Variants in PRKN observed in about 807,000 individuals in gnomAD.
PRKN encodes parkin RBR E3 ubiquitin protein ligase, also known as E3 ubiquitin-protein ligase parkin.
A neutral mutation model predicts 59.5 loss-of-function variants in PRKN; 56 were observed. The ratio of observed to expected loss-of-function variants is 0.94; its 90% CI spans 0.76 to 1.18. The LOEUF (loss-of-function observed/expected upper bound fraction) is 1.18, where lower values mean the gene tolerates loss of function less well. PRKN is among the 50% of genes most tolerant of loss of function. The pLI is 0.00. For synonymous variants in PRKN, 250 were observed against 222.1 expected (o/e 1.13, Z -1.12); for missense variants, 657 against 596.4 (o/e 1.10, Z -1.06).
chr6:162,010,208 T>C lies in PRKN; in HGVS notation c.619-36791A>G, dbSNP rs1351734632. Among the ~76,000 whole-genome samples the C allele has an allele frequency of 4.4e-5, 6 of 137,338 alleles. 1 individual carries two copies. Among genetic ancestry groups the C allele is most frequent in the African/African-American group, 1.4e-4 (5 of 36,728 alleles). The allele number at this position is 137,338 out of a possible 152,430, so 90.1% of individuals were successfully genotyped here. ...TGCTTTGGAACAAATTTCTGATATATATATTATATATACATAATATATATT... is the reference window on the plus strand; with the variant it reads ...TGCTTTGGAACAAATTTCTGATATACATATTATATATACATAATATATATT... On this transcript the variant is annotated intron_variant, in intron 5 of 11. Transcript: ENST00000366898.
At chr6:162,385,696 T>A (rs1465321187) in intron 2 of PRKN, among the ~76,000 whole-genome samples, 2 of 151,966 alleles carry the variant, frequency 1.3e-5, no homozygotes, top group Admixed American at 6.6e-5. Flanking sequence ...CACGATGGAG[T>A]GGGAGGGAAA....
At chr6:161,700,059 A>G (rs1786188679) in intron 7 of PRKN, among the ~76,000 whole-genome samples, 1 of 150,534 alleles carries the variant, frequency 6.6e-6, no homozygotes, top group Admixed American at 6.7e-5. Flanking sequence ...TTGCTGTTAT[A>G]AGCCCTTTAA....
At chr6:162,525,703 A>T in intron 1 of PRKN, among the ~76,000 whole-genome samples, 1 of 152,308 alleles carries the variant, frequency 6.6e-6, no homozygotes, top group Middle Eastern at 3.4e-3. Flanking sequence ...AGGATCCAGT[A>T]TAGTGTCTGG....
intron 9 of PRKN, among the ~76,000 whole-genome samples, chr6:161,501,049 T>C (rs1370061645): frequency 6.6e-6 from 1 of 152,058 alleles, no homozygotes; most frequent in African/African-American, 2.4e-5. Flanking sequence ...CTAATTTTTG[T>C]ATTTTTAGTA....
At chr6:162,118,360 C>T (rs112324843) in intron 4 of PRKN, among the ~76,000 whole-genome samples, 6,530 of 151,806 alleles carry the variant, frequency 0.043, 426 homozygotes, top group African/African-American at 0.14. Context: ...GAGCCGAGAA[C>T]GCGCCACTGC....
chr6:161,687,074 G>C (rs1210162623), intron 7 of PRKN, among the ~76,000 whole-genome samples: 1 of 152,084 alleles, frequency 6.6e-6, no homozygotes, highest in Non-Finnish European at 1.5e-5. Context: ...AAATGGAATG[G>C]ACAATCCTCT....
In PRKN at chr6:161,580,306, G is replaced by A. The variant is rs9355912; in HGVS notation, c.872-10890C>T. On this transcript the variant is annotated intron_variant, in intron 7 of 11. Coordinates refer to ENST00000366898, the MANE Select transcript of PRKN (RefSeq NM_004562.3). ...AAATTTGCTATCCATGTTTTGCAGT[G>A]CAGCATCACAAGTGTTCAACCAGGT... Among the ~76,000 whole-genome samples the A allele has an allele frequency of 6.4e-3, 975 of 152,274 alleles. 28 individuals carry two copies. The East Asian group carries it at 0.079, about 12-fold the overall frequency.
chr6:161,896,067 G>A (rs186992974), intron 6 of PRKN, among the ~76,000 whole-genome samples: 1 of 152,302 alleles, frequency 6.6e-6, no homozygotes, highest in Admixed American at 6.5e-5. Flanking sequence ...TAAAGTGCGG[G>A]TGAAGCAGGG....
At chr6:161,474,297 T>C (rs1290338779) in intron 9 of PRKN, among the ~76,000 whole-genome samples, 1 of 152,194 alleles carries the variant, frequency 6.6e-6, no homozygotes, top group Non-Finnish European at 1.5e-5. Flanking sequence ...TACCCCATAG[T>C]TATTCTCCTT....
In PRKN at chr6:161,579,518, T is replaced by C. The variant is rs1562538538; in HGVS notation, c.872-10102A>G. Reference sequence around the variant, plus strand: ...TATATTTGTACCCTATACTTCGCCATAGAGTGTGCTCTGTAAACTGGCCTT... The same window carrying C: ...TATATTTGTACCCTATACTTCGCCACAGAGTGTGCTCTGTAAACTGGCCTT... On this transcript the variant is annotated intron_variant, in intron 7 of 11. Transcript: ENST00000366898. This position sits in a 1 kb window ranked among gnomAD's most constrained non-coding sequence, Gnocchi z 4.2. 6.6e-6 allele frequency among the ~76,000 whole-genome samples: 1 copy of C among 152,236 alleles called. No homozygotes were observed. The highest frequency in any genetic ancestry group is 1.5e-5 in the Non-Finnish European group (1 of 68,048).
intron 3 of PRKN, among the ~76,000 whole-genome samples, chr6:162,229,773 T>G (rs536599009): frequency 3.9e-5 from 6 of 152,348 alleles, no homozygotes; most frequent in African/African-American, 1.4e-4. Context: ...GAGAAGCCTT[T>G]CAGAAATAGT....
chr6:162,122,261 C>G (rs908179062), intron 4 of PRKN, among the ~76,000 whole-genome samples: 3 of 152,168 alleles, frequency 2.0e-5, no homozygotes, highest in Non-Finnish European at 2.9e-5. Context: ...CTCGCCAAGG[C>G]TGATCTGCTA....
rs1018597675 is a variant in PRKN, at chr6:161,446,091, G to T, written c.1084-59214C>A. 7.2e-6 allele frequency among the ~76,000 whole-genome samples: 1 copy of T among 139,188 alleles called. No individual in the cohort carries two copies. The highest frequency in any genetic ancestry group is 2.6e-5 in the African/African-American group (1 of 38,848). The allele number at this position is 139,188 out of a possible 152,430, so 91.3% of individuals were successfully genotyped here. On this transcript the variant is annotated intron_variant, in intron 9 of 11. Coordinates refer to ENST00000366898, the MANE Select transcript of PRKN (RefSeq NM_004562.3). The surrounding 1 kb of genome is among the most constrained non-coding windows in gnomAD (Gnocchi z 6.2). ...TGGTGGCACATGCCTATGGTCCCAG[G>T]TATCTGGAGCATGGGGTGGTGGTGG...
At chr6:162,093,795 C>T (rs898832104) in intron 4 of PRKN, among the ~76,000 whole-genome samples, 2 of 152,184 alleles carry the variant, frequency 1.3e-5, no homozygotes, top group Admixed American at 6.6e-5. Flanking sequence ...CCATGCTTCT[C>T]AGCAGCTAGG....
chr6:161,961,587 C>T (rs1335226165), intron 6 of PRKN, among the ~76,000 whole-genome samples: 3 of 152,178 alleles, frequency 2.0e-5, no homozygotes, highest in Non-Finnish European at 4.4e-5. Context: ...GTGTTCACAC[C>T]TTCTGCCTTG....
chr6:162,423,900 A>G (rs1789098588), intron 2 of PRKN, among the ~76,000 whole-genome samples: 1 of 152,190 alleles, frequency 6.6e-6, no homozygotes, highest in African/African-American at 2.4e-5. Context: ...TGCCATTCTA[A>G]AAGTGATGAA....
chr6:161,896,098 T>C (rs914219268), intron 6 of PRKN, among the ~76,000 whole-genome samples: 1 of 152,132 alleles, frequency 6.6e-6, no homozygotes, highest in Non-Finnish European at 1.5e-5. Flanking sequence ...GGGTGATGAA[T>C]AAATTATGTG....
intron 6 of PRKN, among the ~76,000 whole-genome samples, chr6:161,807,889 C>T (rs116131863): frequency 3.2e-3 from 482 of 152,326 alleles, no homozygotes; most frequent in African/African-American, 0.011. Flanking sequence ...TAGGGCCCAA[C>T]ATCTTTTTCT....
intron 5 of PRKN, among the ~76,000 whole-genome samples, chr6:161,991,399 A>G (rs1445461847): frequency 1.3e-5 from 2 of 152,222 alleles, no homozygotes; most frequent in Admixed American, 6.5e-5. Context: ...AAACAACAAA[A>G]GGGAAAGAAG....
Sources: allele counts gnomAD v4.1 joint callset (sites outside exome capture counted in the v4.1 genomes callset), GRCh38; gene constraint gnomAD v4.1.1; non-coding constraint Gnocchi (gnomAD v3.1); transcripts MANE v1.5; gene names NCBI Gene and HGNC (gene_info 2026-07-23, HGNC 2026-07-21).